The following ADCY7 variants were observed in gnomAD, a reference collection of about 807,000 sequenced individuals.
ADCY7 encodes adenylate cyclase type 7.
Under a neutral mutation model 120.6 loss-of-function variants are expected in ADCY7, and 72 were observed. The observed-to-expected ratio is 0.60, with a 90% confidence interval of 0.49 to 0.73. ADCY7 has a LOEUF of 0.73. Ranked by LOEUF, ADCY7 falls within the 30% of genes least tolerant of loss-of-function variation. The pLI, the probability that ADCY7 is intolerant of heterozygous loss-of-function variation, is 0.00. For synonymous variants in ADCY7, 661 were observed against 628.0 expected, an observed-to-expected ratio of 1.05 and a Z score of -0.78; for missense variants, 1,227 against 1,486.0, an observed-to-expected ratio of 0.83 and a Z score of 2.87.
At chr16:50,275,654 C>T (rs1479472689) in intron 1 of ADCY7, among the ~76,000 whole-genome samples, 1 of 152,158 alleles carries the variant, frequency 6.6e-6, no homozygotes, top group Non-Finnish European at 1.5e-5. Context: ...CCACCTGTGA[C>T]CAGAAATGGC....
upstream of ADCY7, among the ~76,000 whole-genome samples, chr16:50,263,679 C>G (rs2033117265): frequency 6.6e-6 from 1 of 152,060 alleles, no homozygotes; most frequent in Admixed American, 6.6e-5. Context: ...TGTGTCCTCT[C>G]CAAGCTGCCC....
chr16:50,253,801 G>C (rs1470459779), intron 1 of ADCY7, among the ~76,000 whole-genome samples: 1 of 152,242 alleles, frequency 6.6e-6, no homozygotes, highest in Non-Finnish European at 1.5e-5. Flanking sequence ...TGAGGTGGGG[G>C]TGGAGGCGGT....
chr16:50,295,279 A>G (rs927454126), intron 7 of ADCY7, among the ~76,000 whole-genome samples: 6 of 150,548 alleles, frequency 4.0e-5, no homozygotes, highest in African/African-American at 1.2e-4. Flanking sequence ...GCCAGGCTCA[A>G]GTGATTCTCA....
intron 1 of ADCY7, among the ~76,000 whole-genome samples, chr16:50,283,006 G>A (rs183874943): frequency 1.3e-5 from 2 of 151,120 alleles, no homozygotes; most frequent in East Asian, 1.9e-4. Context: ...AGGGATGAGC[G>A]GGGCTGTCCC....
At chr16:50,266,496 CGCCGCCGCTGCTGCCGCT>C, upstream of ADCY7, 1 of 165,054 alleles carries the variant, frequency 6.1e-6, no homozygotes, top group Non-Finnish European at 1.3e-5. Flanking sequence ...TTGCTGCCGC[CGCCGCCGCTGCTGCCGCT>C]GCCGGAGCAG....
intron 1 of ADCY7, among the ~76,000 whole-genome samples, chr16:50,275,023 A>C (rs1355277456): frequency 2.0e-5 from 3 of 152,162 alleles, no homozygotes; most frequent in African/African-American, 7.2e-5. Context: ...ATTCCATGGG[A>C]GAGGCAGGAA....
intron 5 of ADCY7, among the ~76,000 whole-genome samples, chr16:50,293,137 G>A (rs1488961320): frequency 6.6e-6 from 1 of 152,188 alleles, no homozygotes; most frequent in African/African-American, 2.4e-5. Context: ...GTCACCCTGA[G>A]TCCCGGGGGC....
intron 1 of ADCY7, among the ~76,000 whole-genome samples, chr16:50,248,061 G>T (rs1171122924): frequency 6.6e-6 from 1 of 152,064 alleles, no homozygotes; most frequent in African/African-American, 2.4e-5. Flanking sequence ...GAAAGCGGAG[G>T]TCCTCACAGG....
upstream of ADCY7, among the ~76,000 whole-genome samples, chr16:50,265,799 G>A (rs770084903): frequency 2.7e-4 from 41 of 152,218 alleles, no homozygotes; most frequent in Non-Finnish European, 4.6e-4. Flanking sequence ...TGTGGCCAGC[G>A]GGCTGGAGGC....
In ADCY7 at chr16:50,304,355, C is replaced by G; in HGVS notation, c.1369-5C>G. The G allele has an allele frequency of 6.6e-7, 1 of 1,507,274 alleles. No individual in the cohort carries two copies. The highest frequency in any genetic ancestry group is 8.9e-7 in the Non-Finnish European group (1 of 1,125,834). 93.4% of individuals were successfully genotyped at this position (1,507,274 alleles called of 1,614,324 possible). On this transcript the variant is annotated splice_polypyrimidine_tract_variant and splice_region_variant and intron_variant, in intron 10 of 25. Coordinates refer to ENST00000673801, the MANE Select transcript of ADCY7 (RefSeq NM_001114.5). ...GCACAGGCCCATGTCCATGTCTGCC[C>G]GCAGAGCCAGCAGCCACCCCCGCCC...
At chr16:50,306,257 C>G (rs2036057603) in intron 14 of ADCY7, among the ~76,000 whole-genome samples, 1 of 152,200 alleles carries the variant, frequency 6.6e-6, no homozygotes, top group South Asian at 2.1e-4. Context: ...CATTTCTTTA[C>G]TGAGCGCCTT....
intron 15 of ADCY7, 48 bp downstream of exon 15, chr16:50,307,195 C>T: frequency 6.4e-7 from 1 of 1,563,132 alleles, no homozygotes; most frequent in East Asian, 2.2e-5. Context: ...GGGATCCAGG[C>T]TGGAAGGTGA....
intron 5 of ADCY7, 83 bp downstream of exon 5, chr16:50,292,908 T>G: frequency 6.5e-7 from 1 of 1,533,514 alleles, no homozygotes; most frequent in Non-Finnish European, 8.8e-7. Context: ...CATGCTGCCA[T>G]GTGCATGAGG....
intron 8 of ADCY7, among the ~76,000 whole-genome samples, chr16:50,300,222 T>C (rs1269336684): frequency 6.6e-6 from 1 of 152,102 alleles, no homozygotes. Flanking sequence ...AGGCGCCTGC[T>C]ACCATGCCCG....
At chr16:50,247,769 C>T (rs913098165) in intron 1 of ADCY7, among the ~76,000 whole-genome samples, 1 of 152,180 alleles carries the variant, frequency 6.6e-6, no homozygotes, top group Admixed American at 6.5e-5. Flanking sequence ...AGCCTGGCTT[C>T]GCAGGACCAG....
At chr16:50,302,754 C>T (rs551979492) in intron 10 of ADCY7, among the ~76,000 whole-genome samples, 1 of 152,172 alleles carries the variant, frequency 6.6e-6, no homozygotes, top group African/African-American at 2.4e-5. Flanking sequence ...ACTGCGAGTC[C>T]CCCCACCCTT....
intron 1 of ADCY7, among the ~76,000 whole-genome samples, chr16:50,284,173 G>C (rs990159880): frequency 6.6e-6 from 1 of 152,148 alleles, no homozygotes; most frequent in Non-Finnish European, 1.5e-5. Context: ...GCCACTGGTG[G>C]TGGGTTCCTG....
At chr16:50,305,737 T>C (rs1159635698) in intron 13 of ADCY7, 40 bp from the exon 14 acceptor site, 1 of 1,578,222 alleles carries the variant, frequency 6.3e-7, no homozygotes, top group African/African-American at 1.3e-5. Context: ...AATGGACCCC[T>C]TCCCAGCCCC....
intron 1 of ADCY7, among the ~76,000 whole-genome samples, chr16:50,281,368 G>T (rs1417999098): frequency 1.3e-5 from 2 of 149,756 alleles, no homozygotes; most frequent in African/African-American, 4.9e-5. Context: ...GCTGGGAGAG[G>T]TGTGCTGTGG....
Sources: allele counts gnomAD v4.1 joint callset (sites outside exome capture counted in the v4.1 genomes callset), GRCh38; gene constraint gnomAD v4.1.1; transcripts MANE v1.5; gene names NCBI Gene and HGNC (gene_info 2026-07-23, HGNC 2026-07-21).